Variants in MGMT observed in about 807,000 individuals in gnomAD.
MGMT encodes O-6-methylguanine-DNA methyltransferase, also known as methylated-DNA--protein-cysteine methyltransferase.
MGMT carries 14 observed loss-of-function variants against 15.9 expected under a neutral mutation model. That is an observed-to-expected ratio of 0.88 (90% confidence interval 0.58 to 1.37). The LOEUF (loss-of-function observed/expected upper bound fraction) is 1.37, where lower values mean the gene tolerates loss of function less well. Ranked by LOEUF, MGMT falls within the 40% of genes most tolerant of loss-of-function variation. The pLI is 0.00. For missense variants in MGMT, 282 were observed against 268.1 expected, an observed-to-expected ratio of 1.05 and a Z score of -0.36; for synonymous variants, 130 against 118.2, an observed-to-expected ratio of 1.10 and a Z score of -0.65.
intron 2 of MGMT, among the ~76,000 whole-genome samples, chr10:129,678,445 G>A (rs61731251): frequency 0.012 from 1,895 of 152,244 alleles, 41 homozygotes; most frequent in African/African-American, 0.042. Context: ...ACTCCCTGCC[G>A]CATTTTGCCA....
At chr10:129,585,060 T>A (rs188984825) in intron 2 of MGMT, among the ~76,000 whole-genome samples, 3 of 152,226 alleles carry the variant, frequency 2.0e-5, no homozygotes, top group Non-Finnish European at 4.4e-5. Flanking sequence ...TATGGTTTTC[T>A]AATACAGCTG....
intron 2 of MGMT, among the ~76,000 whole-genome samples, chr10:129,588,268 G>T (rs780850743): frequency 3.9e-5 from 6 of 152,152 alleles, no homozygotes; most frequent in African/African-American, 9.7e-5. Context: ...GGTTTCACCC[G>T]GAGAAACCCT....
At chr10:129,740,283 C>T (rs2133170842) in intron 3 of MGMT, among the ~76,000 whole-genome samples, 1 of 152,206 alleles carries the variant, frequency 6.6e-6, no homozygotes, top group African/African-American at 2.4e-5. Flanking sequence ...GGTGCCTGGG[C>T]CTGTGGAGCC....
chr10:129,681,874 ACT>A (rs1212403598), intron 2 of MGMT, among the ~76,000 whole-genome samples: 2 of 152,174 alleles, frequency 1.3e-5, no homozygotes, highest in Non-Finnish European at 2.9e-5. Flanking sequence ...CATGAAACCA[ACT>A]CTCTAAACTC....
At chr10:129,710,583 G>A (rs1848221036) in intron 3 of MGMT, among the ~76,000 whole-genome samples, 1 of 152,232 alleles carries the variant, frequency 6.6e-6, no homozygotes, top group Admixed American at 6.5e-5. Context: ...GTTTGAAGAA[G>A]GGGAGGTGGA....
intron 2 of MGMT, among the ~76,000 whole-genome samples, chr10:129,604,537 A>G (rs888680432): frequency 6.6e-6 from 1 of 152,186 alleles, no homozygotes; most frequent in Non-Finnish European, 1.5e-5. Context: ...TGGTCAATCC[A>G]TGCAAGTTTT....
chr10:129,528,903 T>C (rs1845899337), intron 1 of MGMT, among the ~76,000 whole-genome samples: 1 of 152,200 alleles, frequency 6.6e-6, no homozygotes, highest in Admixed American at 6.5e-5. Context: ...TGTGACACAT[T>C]TGCTGCCTGT....
At chr10:129,681,551 A>G (rs1847852811) in intron 2 of MGMT, among the ~76,000 whole-genome samples, 1 of 152,226 alleles carries the variant, frequency 6.6e-6, no homozygotes, top group Non-Finnish European at 1.5e-5. Context: ...TCTTGTAAAA[A>G]GAGAACAGAG....
At chr10:129,467,584 G>A (rs1845183376) in intron 1 of MGMT, 1 of 278,502 alleles carries the variant, frequency 3.6e-6, no homozygotes, top group South Asian at 1.4e-4. Context: ...GCCAGCCCCA[G>A]GCCCGGGCCC....
chr10:129,749,236 C>T (rs1234551765), intron 3 of MGMT, among the ~76,000 whole-genome samples: 1 of 152,144 alleles, frequency 6.6e-6, no homozygotes, highest in Non-Finnish European at 1.5e-5. Flanking sequence ...ATTACAGTAA[C>T]ATGCAGAATA....
chr10:129,684,719 A>G (rs1166697505), intron 2 of MGMT, among the ~76,000 whole-genome samples: 3 of 152,210 alleles, frequency 2.0e-5, no homozygotes, highest in African/African-American at 7.2e-5. Flanking sequence ...GAGGTTCCCC[A>G]AGACTTTTGT....
intron 1 of MGMT, among the ~76,000 whole-genome samples, chr10:129,524,855 G>A (rs1195261488): frequency 6.6e-6 from 1 of 152,128 alleles, no homozygotes; most frequent in African/African-American, 2.4e-5. Context: ...CTCCCAAAGT[G>A]CTGGGATTAC....
chr10:129,644,794 C>T (rs954566076), intron 2 of MGMT, among the ~76,000 whole-genome samples: 6 of 152,238 alleles, frequency 3.9e-5, no homozygotes, highest in Non-Finnish European at 7.3e-5. Flanking sequence ...AGCCTTTCCT[C>T]ATCCTCCAGC....
intron 3 of MGMT, among the ~76,000 whole-genome samples, chr10:129,733,015 C>A (rs1314743285): frequency 6.6e-6 from 1 of 151,824 alleles, no homozygotes; most frequent in East Asian, 1.9e-4. Context: ...CCGCAATAAA[C>A]ATACGTGTGC....
At chr10:129,595,704 C>T (rs1330707928) in intron 2 of MGMT, among the ~76,000 whole-genome samples, 1 of 152,112 alleles carries the variant, frequency 6.6e-6, no homozygotes, top group East Asian at 1.9e-4. Context: ...TTCAGATGCT[C>T]AGCTTTCCAG....
chr10:129,732,827 G>A (rs374467545), intron 3 of MGMT, among the ~76,000 whole-genome samples: 43 of 145,184 alleles, frequency 3.0e-4, no homozygotes, highest in African/African-American at 7.9e-4. Context: ...TTGTTCTTGC[G>A]ATAGTTTACT....
chr10:129,557,670 G>T (rs527887906), intron 2 of MGMT, among the ~76,000 whole-genome samples: 1 of 152,308 alleles, frequency 6.6e-6, no homozygotes, highest in South Asian at 2.1e-4. Context: ...GAAGTTGGTT[G>T]TGGGTTTTTA....
intron 2 of MGMT, among the ~76,000 whole-genome samples, chr10:129,646,754 A>ATATATATATATATATATTTTTT: frequency 1.2e-5 from 1 of 86,676 alleles, no homozygotes; most frequent in Non-Finnish European, 2.6e-5. Context: ...ATATATATAT[A>ATATATATATATATATATTTTTT]TTTTCAGGGA....
In MGMT at chr10:129,502,468, C is replaced by T. The variant is rs1369547982; in HGVS notation, c.-12-33773C>T. The stretch of plus-strand genomic sequence containing the variant: ...AAAAAGGTACAGAAGCTGCCTTTCT[C>T]TGTGGTATTTGCTTTTTGATTAAAA... On this transcript the variant is annotated intron_variant, in intron 1 of 4. Transcript: ENST00000651593. Among the ~76,000 whole-genome samples the T allele has an allele frequency of 2.0e-5, 3 of 152,100 alleles. No individual in the cohort carries two copies. The East Asian group carries it at 5.8e-4, about 29-fold the overall frequency.
Sources: allele counts gnomAD v4.1 joint callset (sites outside exome capture counted in the v4.1 genomes callset), GRCh38; gene constraint gnomAD v4.1.1; transcripts MANE v1.5; gene names NCBI Gene and HGNC (gene_info 2026-07-23, HGNC 2026-07-21).